Variants in TAF1 observed in about 807,000 individuals in gnomAD.
TAF1 encodes the protein TATA-box binding protein associated factor 1.
TAF1 carries 2 observed loss-of-function variants against 138.5 expected under a neutral mutation model. That is an observed-to-expected ratio of 0.01 (90% CI 0.01 to 0.05). The LOEUF is 0.05. TAF1 is among the 10% of genes least tolerant of loss of function. The probability of loss-of-function intolerance (pLI) is 1.00; values close to 1 mark genes in which losing one functional copy is unlikely to be tolerated. For synonymous variants in TAF1, 437 were observed against 503.2 expected, an observed-to-expected ratio of 0.87 and a Z score of 1.76; for missense variants, 709 against 1,478.0, an observed-to-expected ratio of 0.48 and a Z score of 8.53.
chrX:71,367,937 C>A, intron 2 of TAF1, 117 bp from the exon 3 acceptor site: 1 of 809,993 alleles, frequency 1.2e-6, no homozygotes, highest in Non-Finnish European at 1.8e-6. Flanking sequence ...TTCCAAAGTG[C>A]TGGGATTACA....
intron 32 of TAF1, 45 bp from the exon 33 acceptor site, chrX:71,454,125 G>A (rs188284958): frequency 1.0e-3 from 1,160 of 1,119,193 alleles, no homozygotes; most frequent in Non-Finnish European, 1.3e-3. Context: ...TAAAATTCTG[G>A]AACAAGTCTG....
chrX:71,406,175 G>A lies in TAF1; in HGVS notation c.3999-463G>A, dbSNP rs891380775. ...GAGACCCTGTCTCTACTAAAAATAC[G>A]AAAATTAGCTGTGCGTGGTGGTGGG... On this transcript the variant is annotated intron_variant, in intron 25 of 37. Transcript: ENST00000423759. Among the ~76,000 whole-genome samples the A allele has an allele frequency of 1.3e-4, 14 of 109,293 alleles. 1 individual carries two copies. Among genetic ancestry groups the A allele is most frequent in the African/African-American group, 4.7e-4 (14 of 29,975 alleles). The allele number at this position is 109,293 out of a possible 115,157, so 94.9% of individuals were successfully genotyped here.
At chrX:71,435,646 GT>G (rs781234587) in intron 32 of TAF1, among the ~76,000 whole-genome samples, 1 of 111,301 alleles carries the variant, frequency 9.0e-6, no homozygotes, top group Admixed American at 9.6e-5. Context: ...TGTTTCATTT[GT>G]TTTTTTCTAG....
At chrX:71,484,448 T>C (rs2039136558) in intron 13 of TAF1, among the ~76,000 whole-genome samples, 1 of 109,409 alleles carries the variant, frequency 9.1e-6, no homozygotes. Context: ...TTCTCCTGCC[T>C]CAGCCTCCCA....
chrX:71,423,300 G>A (rs949812337), intron 30 of TAF1, 61 bp downstream of exon 30: 46 of 1,198,348 alleles, frequency 3.8e-5, no homozygotes, highest in East Asian at 3.0e-5. Context: ...AAATGTTTAG[G>A]GTGTACACGT....
At chrX:71,447,323 G>A (rs995368109) in intron 32 of TAF1, among the ~76,000 whole-genome samples, 2 of 110,841 alleles carry the variant, frequency 1.8e-5, no homozygotes, top group African/African-American at 6.6e-5. Context: ...ATGAGCCTAG[G>A]AGTGATCACA....
At chrX:71,462,959 C>T (rs2038613779) in intron 37 of TAF1, among the ~76,000 whole-genome samples, 1 of 111,624 alleles carries the variant, frequency 9.0e-6, no homozygotes, top group African/African-American at 3.3e-5. Flanking sequence ...CTTAAATGTC[C>T]TAGTGAGAGA....
In TAF1 at chrX:71,407,605, C is replaced by T; in HGVS notation, c.4139C>T (p.Thr1380Ile). The T allele has an allele frequency of 8.3e-7, 1 of 1,211,743 alleles. No homozygotes were observed. The highest frequency in any genetic ancestry group is 1.1e-6 in the Non-Finnish European group (1 of 895,414). ...CATAAGTCCATCCACCGGCGCCGCA[C>T]AGACCCTATGGTGACGCTGTCGTCC... ...RPHKSIHRRR[T>I]DPMVTLSSIL... The change falls in exon 27 of 38, where the codon ACA becomes ATA. Residue 1380 changes from threonine to isoleucine, a missense_variant. Thr to Ile is a moderately conservative substitution (Grantham distance 89). This residue lies in a region of TAF1 where 63 missense variants were observed against 163.3 expected (regional missense o/e 0.39). Coordinates refer to ENST00000423759, the MANE Select transcript of TAF1 (RefSeq NM_004606.5).
At position 71,434,679 on chromosome X, in the gene TAF1, T is replaced by G. The variant is rs1397282337; in HGVS notation, c.4753+10441T>G. Among the ~76,000 whole-genome samples the G allele has an allele frequency of 2.7e-5, 3 of 112,186 alleles. No homozygotes were observed. The Admixed American group carries it at 2.9e-4, about 11-fold the overall frequency. On this transcript the variant is annotated intron_variant, in intron 32 of 37. Coordinates refer to ENST00000423759, the MANE Select transcript of TAF1 (RefSeq NM_004606.5). ...GTGGACTGTACGCTAATTATAGAGT[T>G]ATGCCATTGTACCTTCCAGCTGCCA...
intron 13 of TAF1, among the ~76,000 whole-genome samples, chrX:71,502,342 T>C (rs774539602): frequency 6.6e-4 from 74 of 111,401 alleles, no homozygotes; most frequent in Non-Finnish European, 1.2e-3. Flanking sequence ...TTTACAATCC[T>C]TTAGCGAGAC....
intron 13 of TAF1, among the ~76,000 whole-genome samples, chrX:71,489,868 G>C (rs746404209): frequency 2.7e-5 from 3 of 111,354 alleles, no homozygotes; most frequent in African/African-American, 9.8e-5. Context: ...TATAAAGTAC[G>C]TAAGAAGCTG....
At chrX:71,423,034 G>T (rs1045999135) in intron 29 of TAF1, 83 bp from the exon 30 acceptor site, 2 of 1,163,321 alleles carry the variant, frequency 1.7e-6, no homozygotes, top group Non-Finnish European at 2.3e-6. Flanking sequence ...GAGCCACCAC[G>T]CCCGGCAAAT....
chrX:71,510,182 T>C (rs1602089508), intron 13 of TAF1, among the ~76,000 whole-genome samples: 1 of 110,141 alleles, frequency 9.1e-6, no homozygotes, highest in Middle Eastern at 4.7e-3. Context: ...ATAAAGGATA[T>C]TGGGGAGCTC....
intron 13 of TAF1, among the ~76,000 whole-genome samples, chrX:71,495,443 A>G (rs1438721230): frequency 8.9e-6 from 1 of 111,788 alleles, no homozygotes; most frequent in Admixed American, 9.5e-5. Context: ...AGAGGTTGGT[A>G]TAAGAGTTTG....
In TAF1 at chrX:71,524,753, C is replaced by T. The variant is rs757434715; in HGVS notation, c.1367-3789C>T. On this transcript the variant is annotated intron_variant and NMD_transcript_variant, in intron 13 of 14. Transcript: ENST00000373775. ...GTCAGGAATTCAAGACCAGCCTGGC[C>T]AACATGGTGAAACCCCATCTCTACT... 8.2e-5 allele frequency among the ~76,000 whole-genome samples: 9 copies of T among 109,189 alleles called. No individual in the cohort carries two copies. The South Asian group carries it at 1.6e-3, about 19-fold the overall frequency. The allele number at this position is 109,189 out of a possible 115,157, so 94.8% of individuals were successfully genotyped here.
At chrX:71,514,990 A>T (rs767176545) in intron 13 of TAF1, among the ~76,000 whole-genome samples, 1 of 112,036 alleles carries the variant, frequency 8.9e-6, no homozygotes, top group East Asian at 2.8e-4. Context: ...CAGAGCTGAC[A>T]TATGGAGGGC....
chrX:71,377,456 T>G (rs1161285348), intron 5 of TAF1, 147 bp from the exon 6 acceptor site: 7 of 826,435 alleles, frequency 8.5e-6, no homozygotes, highest in Non-Finnish European at 1.2e-5. Context: ...TTCTTTACTT[T>G]CTTAGACGTT....
intron 13 of TAF1, among the ~76,000 whole-genome samples, chrX:71,494,151 C>T (rs868862585): frequency 4.5e-5 from 5 of 110,514 alleles, no homozygotes; most frequent in Middle Eastern, 4.4e-3. Flanking sequence ...GGCCCAGCGT[C>T]GTGGCTCATG....
chrX:71,403,267 A>G (rs1434618017), intron 25 of TAF1, among the ~76,000 whole-genome samples: 1 of 111,354 alleles, frequency 9.0e-6, no homozygotes, highest in Non-Finnish European at 1.9e-5. Flanking sequence ...GGGCTCAAGC[A>G]GTCCTCCTGC....
Sources: gnomAD v4.1 joint callset for allele counts (sites outside exome capture counted in the v4.1 genomes callset) on GRCh38, gnomAD v4.1.1 for gene constraint, gnomAD v4.1.1 regional missense constraint, MANE v1.5 for transcripts, NCBI Gene and HGNC (gene_info 2026-07-23, HGNC 2026-07-21) for gene names.